The following C1orf87 variants were observed in gnomAD, a reference collection of about 807,000 sequenced individuals.
The protein encoded by C1orf87 is uncharacterized protein C1orf87.
In C1orf87, 58 loss-of-function variants were observed where a neutral mutation model predicts 60.5. The ratio of observed to expected loss-of-function variants is 0.96; its 90% CI spans 0.78 to 1.19. C1orf87 has a LOEUF of 1.19. Ranked by LOEUF, C1orf87 falls within the 50% of genes most tolerant of loss-of-function variation. The pLI is 0.00. For synonymous variants in C1orf87, 236 were observed against 227.4 expected, an observed-to-expected ratio of 1.04 and a Z score of -0.34; for missense variants, 673 against 638.6, an observed-to-expected ratio of 1.05 and a Z score of -0.58.
At chr1:60,000,989 C>T (rs1644998911) in intron 10 of C1orf87, 88 bp downstream of exon 10, 2 of 1,101,108 alleles carry the variant, frequency 1.8e-6, no homozygotes, top group African/African-American at 1.6e-5. Flanking sequence ...AATCAAAACC[C>T]ACAGGAGAGA....
chr1:60,072,892 C>CTCACA (rs1275731066), intron 1 of C1orf87, among the ~76,000 whole-genome samples: 1 of 152,152 alleles, frequency 6.6e-6, no homozygotes, highest in African/African-American at 2.4e-5. Context: ...ATATGACTTA[C>CTCACA]TCACATCACA....
intron 7 of C1orf87, among the ~76,000 whole-genome samples, chr1:60,030,587 G>A (rs935283688): frequency 2.0e-5 from 3 of 152,238 alleles, no homozygotes; most frequent in African/African-American, 7.2e-5. Context: ...GAGCAATTTG[G>A]GAGGGGTTTG....
At chr1:60,072,441 A>G (rs1419376719) in intron 2 of C1orf87, 96 bp downstream of exon 2, 5 of 929,132 alleles carry the variant, frequency 5.4e-6, no homozygotes, top group Middle Eastern at 2.7e-4. Context: ...TTTTCCATGG[A>G]TGGCATTTTT....
At chr1:60,002,907 G>A (rs1397983073) in intron 9 of C1orf87, among the ~76,000 whole-genome samples, 4 of 151,002 alleles carry the variant, frequency 2.6e-5, no homozygotes, top group African/African-American at 9.8e-5. Flanking sequence ...GTGGAAGTCA[G>A]TGTGGCGATT....
chr1:60,035,863 TA>T (rs1645272209), intron 6 of C1orf87, among the ~76,000 whole-genome samples: 1 of 152,074 alleles, frequency 6.6e-6, no homozygotes, highest in Admixed American at 6.6e-5. Context: ...GTCAAATAAA[TA>T]ACAGAAAATG....
chr1:60,070,352 GC>G (rs1442363027), intron 2 of C1orf87, among the ~76,000 whole-genome samples: 2 of 152,054 alleles, frequency 1.3e-5, no homozygotes, highest in Admixed American at 6.5e-5. Flanking sequence ...TTTTGGAGAA[GC>G]CTTTATTTTT....
intron 2 of C1orf87, among the ~76,000 whole-genome samples, chr1:60,066,755 C>T (rs922149479): frequency 6.6e-6 from 1 of 151,958 alleles, no homozygotes; most frequent in East Asian, 1.9e-4. Context: ...TATACACATG[C>T]CATGGTGGTT....
intron 11 of C1orf87, among the ~76,000 whole-genome samples, chr1:59,996,622 A>G (rs1469628656): frequency 6.6e-6 from 1 of 152,136 alleles, no homozygotes; most frequent in African/African-American, 2.4e-5. Context: ...AGCTTCACAC[A>G]CAGCATTTGC....
At chr1:60,041,824 C>A (rs1397488088) in intron 3 of C1orf87, among the ~76,000 whole-genome samples, 1 of 152,172 alleles carries the variant, frequency 6.6e-6, no homozygotes, top group South Asian at 2.1e-4. Context: ...TGAGTTCAAA[C>A]CCCCAGATAC....
At chr1:60,062,741 T>A (rs1000093610) in intron 2 of C1orf87, among the ~76,000 whole-genome samples, 1 of 152,222 alleles carries the variant, frequency 6.6e-6, no homozygotes, top group African/African-American at 2.4e-5. Flanking sequence ...CTGTCACATA[T>A]GTTGTAAACA....
At position 60,055,269 on chromosome 1, in the gene C1orf87, G is replaced by C. The variant is rs759824424; in HGVS notation, c.277C>G (p.Gln93Glu). The C allele has an allele frequency of 6.2e-7, 1 of 1,614,108 alleles. No homozygotes were observed. The highest frequency in any genetic ancestry group is 2.2e-5 in the East Asian group (1 of 44,882). ...VKEKKHPENN[Q>E]KSENNQKLLT... ...AGTTTCTGGTTGTTTTCTGATTTCTGGTTGTTCTCTGGGTGCTTTTTCTCT... is the reference window on the plus strand; with the variant it reads ...AGTTTCTGGTTGTTTTCTGATTTCTCGTTGTTCTCTGGGTGCTTTTTCTCT... Residue 93 changes from glutamine (Q) to glutamate (E), a missense_variant, in exon 3 of 12, where the codon CAG becomes GAG. By Grantham distance (29) the Gln-to-Glu change is conservative (BLOSUM62 2). Transcript: ENST00000371201.
chr1:60,022,139 G>A (rs1271329584), intron 8 of C1orf87, among the ~76,000 whole-genome samples: 1 of 138,876 alleles, frequency 7.2e-6, no homozygotes, highest in South Asian at 2.3e-4. Context: ...CCTTCTACGT[G>A]TAATAACATA....
intron 8 of C1orf87, among the ~76,000 whole-genome samples, chr1:60,018,314 T>C (rs187513932): frequency 6.6e-6 from 1 of 152,312 alleles, no homozygotes. Context: ...ATGCAATTCT[T>C]TTTTAGTTCT....
chr1:60,040,867 A>T, intron 4 of C1orf87, 124 bp downstream of exon 4: 1 of 1,034,590 alleles, frequency 9.7e-7, no homozygotes, highest in Non-Finnish European at 1.3e-6. Context: ...TGCTGGCATT[A>T]CAGGTGTAAG....
rs554669567 is a variant in C1orf87, at chr1:59,993,690, A to G, written c.1481-2857T>C. ...ACAGCTGCATAAAATAGCCCTTACA[A>G]TCCATCTTAGTGTTGGAAAGCCTGT... On this transcript the variant is annotated intron_variant, in intron 11 of 11. Coordinates refer to ENST00000371201, the MANE Select transcript of C1orf87 (RefSeq NM_152377.3). Among the ~76,000 whole-genome samples the G allele has an allele frequency of 6.1e-4, 92 of 151,936 alleles. 1 individual carries two copies. Among genetic ancestry groups the G allele is most frequent in the Non-Finnish European group, 1.2e-3 (82 of 67,950 alleles).
At chr1:60,037,911 A>G in intron 6 of C1orf87, 81 bp downstream of exon 6, 1 of 811,434 alleles carries the variant, frequency 1.2e-6, no homozygotes, top group Non-Finnish European at 1.9e-6. Context: ...TAAGCCACCC[A>G]GTTTATGGTA....
intron 7 of C1orf87, among the ~76,000 whole-genome samples, chr1:60,032,975 T>G (rs898973820): frequency 1.3e-5 from 2 of 152,210 alleles, no homozygotes; most frequent in African/African-American, 4.8e-5. Context: ...GGGGTTTATT[T>G]GGCTTCAGAA....
At chr1:60,072,890 TACTC>T (rs375765259) in intron 1 of C1orf87, among the ~76,000 whole-genome samples, 9 of 152,204 alleles carry the variant, frequency 5.9e-5, no homozygotes, top group African/African-American at 2.2e-4. Context: ...CTATATGACT[TACTC>T]ACATCACATC....
intron 7 of C1orf87, among the ~76,000 whole-genome samples, chr1:60,029,949 C>T (rs909831716): frequency 1.3e-5 from 2 of 152,042 alleles, no homozygotes; most frequent in African/African-American, 4.8e-5. Context: ...CCCCTGTCCC[C>T]GCATTCTTTG....
Sources: gnomAD v4.1 joint callset for allele counts (sites outside exome capture counted in the v4.1 genomes callset) on GRCh38, gnomAD v4.1.1 for gene constraint, MANE v1.5 for transcripts, NCBI Gene and HGNC (gene_info 2026-07-23, HGNC 2026-07-21) for gene names.